GAS2: variants seen among roughly 807,000 people sequenced by gnomAD.
GAS2 encodes growth arrest-specific protein 2.
In GAS2, 20 loss-of-function variants were observed where a neutral mutation model predicts 37.5. The observed-to-expected ratio is 0.53, with a 90% CI of 0.37 to 0.77. The LOEUF is 0.77. GAS2 is among the 30% of genes least tolerant of loss of function. The pLI is 0.00. For missense variants in GAS2, 336 were observed against 373.4 expected (o/e 0.90, Z 0.82); for synonymous variants, 144 against 132.2 (o/e 1.09, Z -0.61).
intron 3 of GAS2, among the ~76,000 whole-genome samples, chr11:22,720,354 G>A (rs188970193): frequency 6.6e-6 from 1 of 151,854 alleles, no homozygotes; most frequent in South Asian, 2.1e-4. Context: ...GAGGCACAGG[G>A]TCTTACTGCA....
At chr11:22,724,276 G>A (rs1024416654) in intron 3 of GAS2, among the ~76,000 whole-genome samples, 1 of 151,794 alleles carries the variant, frequency 6.6e-6, no homozygotes, top group Admixed American at 6.6e-5. Context: ...TTCAATACAT[G>A]TACATGTGTT....
chr11:22,696,770 A>G lies in GAS2; in HGVS notation c.267+10981A>G, dbSNP rs1172460554. Among the ~76,000 whole-genome samples the G allele has an allele frequency of 1.5e-3, 226 of 150,758 alleles. 2 individuals are homozygous for G. The highest frequency in any genetic ancestry group is 4.7e-3 in the African/African-American group (191 of 40,878). On this transcript the variant is annotated intron_variant, in intron 3 of 7. Coordinates refer to ENST00000454584, the MANE Select transcript of GAS2 (RefSeq NM_001143830.3). ...TGAGAAGTGTCTGTTCATGTCCTTC[A>G]CCCACTTTTTGATGGAGTTGTTTGT...
chr11:22,662,570 A>G (rs1476995010), upstream of GAS2, among the ~76,000 whole-genome samples: 1 of 152,200 alleles, frequency 6.6e-6, no homozygotes, highest in Non-Finnish European at 1.5e-5. Context: ...CATTTATATT[A>G]TACTTGAGGT....
chr11:22,720,712 G>A (rs1254659799), intron 3 of GAS2, among the ~76,000 whole-genome samples: 1 of 151,938 alleles, frequency 6.6e-6, no homozygotes, highest in Non-Finnish European at 1.5e-5. Flanking sequence ...CTTCATTTAT[G>A]TATCTCTTCT....
At chr11:22,667,161 C>T (rs1385946861) in intron 1 of GAS2, 1 of 152,262 alleles carries the variant, frequency 6.6e-6, no homozygotes, top group African/African-American at 2.4e-5. Context: ...TGTTCCTTAT[C>T]CCTATTGCGG....
intron 1 of GAS2, among the ~76,000 whole-genome samples, chr11:22,673,835 C>G (rs1164316753): frequency 2.6e-5 from 4 of 152,214 alleles, no homozygotes; most frequent in Non-Finnish European, 5.9e-5. Flanking sequence ...GGGGATTGCA[C>G]TGCTCACAAT....
intron 5 of GAS2, among the ~76,000 whole-genome samples, chr11:22,738,973 A>G (rs1156400254): frequency 2.6e-5 from 4 of 152,100 alleles, no homozygotes; most frequent in Non-Finnish European, 4.4e-5. Context: ...AGGTTTTTCT[A>G]TTTACCCCAC....
In GAS2 at chr11:22,737,879, T is replaced by C. The variant is rs1852840055; in HGVS notation, c.473+111T>C. 5 of 942,170 alleles carry C rather than the reference T, an allele frequency of 5.3e-6. No homozygotes were observed. The East Asian group carries it at 1.2e-4, about 23-fold the overall frequency. The allele number at this position is 942,170 out of a possible 1,614,324, so 58.4% of individuals were successfully genotyped here. ...ATGTTTAACCTGGATGTTGAGAAGC[T>C]ACTCATTCACGATGATAATATGAAC... On this transcript the variant is annotated intron_variant, in intron 5 of 7. Transcript: ENST00000454584.
chr11:22,743,412 C>A (rs569679608), intron 5 of GAS2, among the ~76,000 whole-genome samples: 2 of 152,026 alleles, frequency 1.3e-5, no homozygotes, highest in East Asian at 3.8e-4. Flanking sequence ...GATGTTGTGC[C>A]ATGTGTCAGA....
At position 22,653,011 on chromosome 11, in the gene GAS2, C is replaced by CTTTT. The variant is rs1590575162; in HGVS notation, c.-20-21836_-20-21835insTTTT. 3.5e-5 allele frequency among the ~76,000 whole-genome samples: 5 copies of CTTTT among 143,520 alleles called. No individual in the cohort carries two copies. The East Asian group carries it at 6.2e-4, about 18-fold the overall frequency. 94.2% of individuals were successfully genotyped at this position (143,520 alleles called of 152,430 possible). ...TTTCTTTGTCTTTCTTTCTTTCTTTCTTTCTTTCTTTCTTTCTTTCTTTCT... is the reference window on the plus strand; with the variant it reads ...TTTCTTTGTCTTTCTTTCTTTCTTTCTTTTTTTCTTTCTTTCTTTCTTTCTTTCT... On this transcript the variant is annotated intron_variant, in intron 1 of 5. Transcript: ENST00000528582.
At chr11:22,692,996 C>T (rs1445387673) in intron 3 of GAS2, among the ~76,000 whole-genome samples, 9 of 152,122 alleles carry the variant, frequency 5.9e-5, no homozygotes, top group Non-Finnish European at 1.3e-4. Flanking sequence ...GGCAGAACCC[C>T]TTTCTGCATT....
chr11:22,746,111 G>T (rs536539921), intron 5 of GAS2, among the ~76,000 whole-genome samples: 137 of 152,240 alleles, frequency 9.0e-4, no homozygotes, highest in African/African-American at 3.2e-3. Flanking sequence ...GAGCCCAGGA[G>T]GTCAAGGCTG....
chr11:22,686,961 G>A (rs552601757), intron 3 of GAS2, among the ~76,000 whole-genome samples: 1 of 152,094 alleles, frequency 6.6e-6, no homozygotes, highest in Admixed American at 6.5e-5. Context: ...GCTCTGTGAA[G>A]GTATTAATTA....
At chr11:22,710,562 A>G (rs1333667149) in intron 3 of GAS2, among the ~76,000 whole-genome samples, 2 of 151,816 alleles carry the variant, frequency 1.3e-5, no homozygotes, top group East Asian at 3.9e-4. Flanking sequence ...AAGTTCCTCA[A>G]CTGTGGAAGA....
intron 3 of GAS2, among the ~76,000 whole-genome samples, chr11:22,694,033 G>T (rs998648760): frequency 6.6e-6 from 1 of 152,080 alleles, no homozygotes; most frequent in African/African-American, 2.4e-5. Context: ...GAAGGAGGAG[G>T]GAGAGGATCA....
At chr11:22,747,023 G>A (rs1359159641) in intron 5 of GAS2, among the ~76,000 whole-genome samples, 1 of 152,002 alleles carries the variant, frequency 6.6e-6, no homozygotes, top group Non-Finnish European at 1.5e-5. Context: ...ATGATTACTA[G>A]AAAACTAAAA....
chr11:22,670,730 A>G (rs1417594041), intron 1 of GAS2, among the ~76,000 whole-genome samples: 1 of 152,138 alleles, frequency 6.6e-6, no homozygotes, highest in Non-Finnish European at 1.5e-5. Flanking sequence ...AAACACAGGT[A>G]CAAAGAGGAA....
At chr11:22,788,994 C>T (rs1051278245) in intron 7 of GAS2, among the ~76,000 whole-genome samples, 2 of 151,678 alleles carry the variant, frequency 1.3e-5, no homozygotes, top group Non-Finnish European at 2.9e-5. Flanking sequence ...TATTTTAAAT[C>T]CCTCTATGTG....
At chr11:22,809,746 G>A (rs1040002632) in intron 7 of GAS2, among the ~76,000 whole-genome samples, 27 of 150,134 alleles carry the variant, frequency 1.8e-4, no homozygotes, top group African/African-American at 6.1e-4. Flanking sequence ...CACCCACCTC[G>A]GCCTCCCAAA....
Sources: gnomAD v4.1 joint callset for allele counts (sites outside exome capture counted in the v4.1 genomes callset) on GRCh38, gnomAD v4.1.1 for gene constraint, MANE v1.5 for transcripts, NCBI Gene and HGNC (gene_info 2026-07-23, HGNC 2026-07-21) for gene names.